The following HHAT variants were observed in gnomAD, a reference collection of about 807,000 sequenced individuals.
HHAT encodes the protein protein-cysteine N-palmitoyltransferase HHAT.
A neutral mutation model predicts 70.8 loss-of-function variants in HHAT; 47 were observed. The observed-to-expected ratio is 0.66, with a 90% confidence interval of 0.53 to 0.85. The LOEUF (loss-of-function observed/expected upper bound fraction) is 0.85. HHAT is among the 40% of genes least tolerant of loss of function. HHAT has a pLI of 0.00. For synonymous variants in HHAT, 228 were observed against 247.6 expected (o/e 0.92, Z 0.74); for missense variants, 609 against 604.8 (o/e 1.01, Z -0.07).
intron 10 of HHAT, chr1:210,590,161 C>G (rs1661336069): frequency 6.6e-6 from 1 of 152,148 alleles, no homozygotes; most frequent in South Asian, 2.1e-4. Context: ...AGTTCTTCCT[C>G]CACTTGCCCA....
At chr1:210,671,911 C>G (rs879400886) in intron 11 of HHAT, among the ~76,000 whole-genome samples, 2 of 152,196 alleles carry the variant, frequency 1.3e-5, no homozygotes, top group African/African-American at 4.8e-5. Flanking sequence ...TGGGAGAACA[C>G]TGTGGAAAGC....
intron 8 of HHAT, among the ~76,000 whole-genome samples, chr1:210,502,511 G>A (rs1211646917): frequency 6.6e-6 from 1 of 151,862 alleles, no homozygotes; most frequent in Non-Finnish European, 1.5e-5. Flanking sequence ...GAGGCAATCT[G>A]AGTTTAAGTT....
rs375883414 is a variant in HHAT, at chr1:210,349,647, T to C, written c.91+581T>C. 5.8e-4 allele frequency among the ~76,000 whole-genome samples: 77 copies of C among 133,556 alleles called. No homozygotes were observed. The East Asian group carries it at 0.013, about 22-fold the overall frequency. 87.6% of individuals were successfully genotyped at this position (133,556 alleles called of 152,430 possible). The stretch of plus-strand genomic sequence containing the variant: ...TTTAGGTTGGTGGCTATGTGCTACC[T>C]AAAACTTTTTTTTTTTTTTTTTGAG... On this transcript the variant is annotated intron_variant, in intron 2 of 11. Coordinates refer to ENST00000261458, the MANE Select transcript of HHAT (RefSeq NM_018194.6).
intron 8 of HHAT, 99 bp downstream of exon 8, chr1:210,464,754 C>T: frequency 8.1e-7 from 1 of 1,232,914 alleles, no homozygotes; most frequent in Non-Finnish European, 1.1e-6. Context: ...CTCTCCCTGT[C>T]TCTCACTCAA....
chr1:210,602,612 T>C (rs1487444776), intron 10 of HHAT, among the ~76,000 whole-genome samples: 1 of 151,948 alleles, frequency 6.6e-6, no homozygotes. Flanking sequence ...GCTTAGAAAT[T>C]TAGGAACAGA....
intron 9 of HHAT, among the ~76,000 whole-genome samples, chr1:210,581,178 T>C (rs1313768038): frequency 6.6e-6 from 1 of 152,194 alleles, no homozygotes; most frequent in African/African-American, 2.4e-5. Context: ...GGATTATTTG[T>C]TTTTTTCTTA....
At position 210,596,248 on chromosome 1, in the gene HHAT, C is replaced by T. The variant is rs547837236; in HGVS notation, c.1245+8149C>T. Among the ~76,000 whole-genome samples the T allele has an allele frequency of 3.9e-4, 59 of 152,048 alleles. 1 individual carries two copies. The highest frequency in any genetic ancestry group is 4.7e-4 in the Non-Finnish European group (32 of 68,006). ...GGGAATCGTTTCCCCATTTCTTGTT[C>T]AGATTCTTAATTAATACTTGACTTT... is the stretch of plus-strand genomic sequence containing the variant. On this transcript the variant is annotated intron_variant, in intron 10 of 11. Transcript: ENST00000261458.
At position 210,623,613 on chromosome 1, in the gene HHAT, G is replaced by T; in HGVS notation, c.1333G>T (p.Val445Leu). ...STSMLILSNL[V>L]FLGGNEVGKT... is the part of the protein sequence containing the mutation. ...CTCGATGCTGATCCTGTCCAACCTG[G>T]TATTTCTTGGGGGCAATGAGGTTGG... Residue 445 changes from valine to leucine, a missense_variant, in exon 11 of 12, where the codon GTA becomes TTA. Physicochemically the swap from Val to Leu is conservative, Grantham distance 32 (BLOSUM62 1). Transcript: ENST00000261458. 6.2e-7 allele frequency: 1 copy of T among 1,613,916 alleles called. No individual in the cohort carries two copies. Among genetic ancestry groups the T allele is most frequent in the Non-Finnish European group, 8.5e-7 (1 of 1,179,938 alleles).
intron 3 of HHAT, among the ~76,000 whole-genome samples, chr1:210,379,810 T>A (rs935826960): frequency 1.2e-4 from 18 of 146,562 alleles, no homozygotes; most frequent in South Asian, 6.2e-4. Flanking sequence ...CATACTTTAG[T>A]TTATGTGTTT....
intron 7 of HHAT, among the ~76,000 whole-genome samples, chr1:210,427,019 T>G (rs1158832047): frequency 1.3e-5 from 2 of 152,174 alleles, no homozygotes; most frequent in African/African-American, 4.8e-5. Context: ...TTTCAGAGCT[T>G]CTTATTGGTC....
rs2148871403 is a variant in HHAT, at chr1:210,622,379, C to A, written c.1246-1147C>A. Among the ~76,000 whole-genome samples, 2 of 152,276 alleles carry A rather than the reference C, an allele frequency of 1.3e-5. 1 individual carries two copies. The highest frequency in any genetic ancestry group is 4.2e-4 in the South Asian group (2 of 4,818). ...CTGCATGTCCCGCTGCTGTGCTGTA[C>A]CTGGTTCTCATTCTGAACACACGGT... On this transcript the variant is annotated intron_variant, in intron 10 of 11. Transcript: ENST00000261458.
intron 10 of HHAT, among the ~76,000 whole-genome samples, chr1:210,591,669 C>A (rs1487447828): frequency 6.6e-6 from 1 of 152,142 alleles, no homozygotes; most frequent in African/African-American, 2.4e-5. Context: ...TTCCCACCAA[C>A]AGTGTACAAT....
At chr1:210,359,090 G>T (rs1304577756) in intron 2 of HHAT, among the ~76,000 whole-genome samples, 1 of 152,166 alleles carries the variant, frequency 6.6e-6, no homozygotes, top group African/African-American at 2.4e-5. Flanking sequence ...TAGAACCAGG[G>T]CACTGGAAGA....
intron 3 of HHAT, among the ~76,000 whole-genome samples, chr1:210,367,867 T>C (rs2089155016): frequency 1.3e-5 from 2 of 152,070 alleles, no homozygotes; most frequent in Admixed American, 6.5e-5. Flanking sequence ...ATCCTTTTTT[T>C]GTAATGTTTG....
At chr1:210,589,723 C>A (rs11119544) in intron 10 of HHAT, 40,254 of 152,118 alleles carry the variant, frequency 0.26, 6,751 homozygotes, top group East Asian at 0.67. Flanking sequence ...TGCCATGTAG[C>A]CTGTGACCTG....
intron 10 of HHAT, among the ~76,000 whole-genome samples, chr1:210,616,562 G>A (rs905008024): frequency 6.6e-6 from 1 of 152,100 alleles, no homozygotes; most frequent in Non-Finnish European, 1.5e-5. Flanking sequence ...TTGTTAGTGG[G>A]ATACATGCAC....
chr1:210,578,226 T>C (rs1368885964), intron 9 of HHAT, among the ~76,000 whole-genome samples: 2 of 152,172 alleles, frequency 1.3e-5, no homozygotes, highest in Non-Finnish European at 2.9e-5. Context: ...TGTTTCAAGA[T>C]ATATGTGAAA....
rs1663727068 is a variant in HHAT at position 210,599,373 on chromosome 1, C to T, written c.1245+11274C>T. Among the ~76,000 whole-genome samples, 3 of 152,114 alleles carry T rather than the reference C, an allele frequency of 2.0e-5. No individual in the cohort carries two copies. In the South Asian group the frequency reaches 6.2e-4, roughly 32 times the overall value. ...GAATGATCTTCATTAATGCCCTTGG[C>T]ACCTCATATATACAACTGGCTGCTG... On this transcript the variant is annotated intron_variant, in intron 10 of 11. Coordinates refer to ENST00000261458, the MANE Select transcript of HHAT (RefSeq NM_018194.6).
chr1:210,400,693 C>G (rs746155498), intron 5 of HHAT, 31 bp downstream of exon 5: 1 of 1,587,324 alleles, frequency 6.3e-7, no homozygotes, highest in South Asian at 1.2e-5. Context: ...ATTGGGAATC[C>G]AGAGAAGGCC....
Sources: gnomAD v4.1 joint callset for allele counts (sites outside exome capture counted in the v4.1 genomes callset) on GRCh38, gnomAD v4.1.1 for gene constraint, MANE v1.5 for transcripts, NCBI Gene and HGNC (gene_info 2026-07-23, HGNC 2026-07-21) for gene names.